Variants in GALNT13 observed in about 807,000 individuals in gnomAD.
GALNT13 encodes UDP-GalNAc:polypeptide N-acetylgalactosaminyltransferase 13.
GALNT13 carries 28 observed loss-of-function variants against 64.2 expected under a neutral mutation model. The ratio of observed to expected loss-of-function variants is 0.44; its 90% CI spans 0.32 to 0.60. The LOEUF (loss-of-function observed/expected upper bound fraction) is 0.60, where lower values mean the gene tolerates loss of function less well. Ranked by LOEUF, GALNT13 falls within the 20% of genes least tolerant of loss-of-function variation. The pLI is 0.05. For missense variants in GALNT13, 577 were observed against 669.8 expected (o/e 0.86, Z 1.53); for synonymous variants, 214 against 224.6 (o/e 0.95, Z 0.42).
intron 9 of GALNT13, among the ~76,000 whole-genome samples, chr2:154,369,579 A>T (rs1293939755): frequency 1.3e-5 from 2 of 152,016 alleles, no homozygotes; most frequent in African/African-American, 4.8e-5. Flanking sequence ...GGCCCCTCCA[A>T]AGTTAATGTT....
chr2:153,650,293 C>CT, the GALNT13 span, among the ~76,000 whole-genome samples: 1 of 151,808 alleles, frequency 6.6e-6, no homozygotes, highest in Admixed American at 6.6e-5. Flanking sequence ...CAACCCCTGC[C>CT]TTTTTTTGTT....
At chr2:153,232,938 C>G in the GALNT13 span, among the ~76,000 whole-genome samples, 1 of 152,114 alleles carries the variant, frequency 6.6e-6, no homozygotes, top group Non-Finnish European at 1.5e-5. Context: ...GAAAAAGATG[C>G]TTATAAAAGC....
At chr2:154,360,290 A>G (rs1454346054) in intron 9 of GALNT13, among the ~76,000 whole-genome samples, 1 of 152,174 alleles carries the variant, frequency 6.6e-6, no homozygotes, top group African/African-American at 2.4e-5. Context: ...GTTGCTTACA[A>G]TGTAAAGAAA....
the GALNT13 span, among the ~76,000 whole-genome samples, chr2:153,258,165 T>A: frequency 6.6e-6 from 1 of 152,190 alleles, no homozygotes; most frequent in African/African-American, 2.4e-5. Flanking sequence ...ATGTAAAAAA[T>A]AATTATTCTT....
the GALNT13 span, among the ~76,000 whole-genome samples, chr2:153,793,722 T>G: frequency 6.6e-6 from 1 of 151,662 alleles, no homozygotes; most frequent in Non-Finnish European, 1.5e-5. Flanking sequence ...AAAATTTAAA[T>G]CTTCAGATTT....
chr2:153,833,769 CCT>C, the GALNT13 span, among the ~76,000 whole-genome samples: 1 of 151,984 alleles, frequency 6.6e-6, no homozygotes, highest in Non-Finnish European at 1.5e-5. Context: ...ATTGCCAACC[CCT>C]GTTTTAGAAG....
intron 9 of GALNT13, among the ~76,000 whole-genome samples, chr2:154,391,266 AC>A (rs1301183723): frequency 1.3e-5 from 2 of 152,114 alleles, no homozygotes; most frequent in African/African-American, 4.8e-5. Context: ...TATTAGGCTG[AC>A]TGGTTTATTT....
At chr2:153,759,038 G>A in the GALNT13 span, among the ~76,000 whole-genome samples, 1 of 152,076 alleles carries the variant, frequency 6.6e-6, no homozygotes, top group Non-Finnish European at 1.5e-5. Context: ...GTATTTCTAA[G>A]CACTTTTTAT....
At chr2:154,231,972 C>T (rs937938290) in intron 4 of GALNT13, among the ~76,000 whole-genome samples, 1 of 151,748 alleles carries the variant, frequency 6.6e-6, no homozygotes, top group Non-Finnish European at 1.5e-5. Flanking sequence ...CCTCTTGTCT[C>T]ACAACTCTGT....
the GALNT13 span, among the ~76,000 whole-genome samples, chr2:153,493,640 A>G: frequency 1.3e-5 from 2 of 151,978 alleles, no homozygotes; most frequent in Non-Finnish European, 2.9e-5. Flanking sequence ...TCATTATATA[A>G]GGCCAGCATA....
At chr2:153,947,386 G>T (rs1234964909) in intron 3 of GALNT13, among the ~76,000 whole-genome samples, 3 of 151,300 alleles carry the variant, frequency 2.0e-5, no homozygotes, top group African/African-American at 2.4e-5. Context: ...CTCAACAACT[G>T]ACTGCATATA....
At chr2:153,821,563 A>G in the GALNT13 span, among the ~76,000 whole-genome samples, 1 of 152,178 alleles carries the variant, frequency 6.6e-6, no homozygotes, top group African/African-American at 2.4e-5. Flanking sequence ...ACAGCATACC[A>G]AAATCTCTGG....
intron 2 of GALNT13, among the ~76,000 whole-genome samples, chr2:153,912,398 T>C (rs1036373254): frequency 6.6e-6 from 1 of 152,224 alleles, no homozygotes; most frequent in East Asian, 1.9e-4. Flanking sequence ...CTGAATTCTA[T>C]TTCTGTCATT....
intron 9 of GALNT13, among the ~76,000 whole-genome samples, chr2:154,394,563 T>A (rs707053): frequency 0.99 from 151,257 of 152,338 alleles, 75,100 homozygotes; most frequent in Middle Eastern, 1. Context: ...AGGCACAATG[T>A]CATCTCTTTA....
chr2:154,344,401 A>G (rs78676551), intron 9 of GALNT13, among the ~76,000 whole-genome samples: 2,499 of 152,184 alleles, frequency 0.016, 66 homozygotes, highest in African/African-American at 0.057. Flanking sequence ...TGCAGAAAAC[A>G]GCCCTGAGCT....
chr2:153,741,446 A>G, the GALNT13 span, among the ~76,000 whole-genome samples: 25 of 152,084 alleles, frequency 1.6e-4, no homozygotes, highest in African/African-American at 5.1e-4. Context: ...TTTTAAATCT[A>G]TCTTTGACAC....
chr2:153,164,294 AT>A, the GALNT13 span, among the ~76,000 whole-genome samples: 9 of 152,330 alleles, frequency 5.9e-5, no homozygotes, highest in East Asian at 1.7e-3. Flanking sequence ...CTAGAAAAAA[AT>A]GTATACATAA....
the GALNT13 span, among the ~76,000 whole-genome samples, chr2:153,749,345 A>G: frequency 3.9e-5 from 6 of 151,958 alleles, no homozygotes; most frequent in African/African-American, 7.2e-5. Flanking sequence ...GTTCAAATAA[A>G]TTTTGGCATT....
chr2:153,108,967 A>G, the GALNT13 span, among the ~76,000 whole-genome samples: 1 of 152,192 alleles, frequency 6.6e-6, no homozygotes, highest in Admixed American at 6.5e-5. Flanking sequence ...TGGAAAACAT[A>G]TCTGGAGCCT....
Sources: allele counts gnomAD v4.1 joint callset (sites outside exome capture counted in the v4.1 genomes callset), GRCh38; gene constraint gnomAD v4.1.1; transcripts MANE v1.5; gene names NCBI Gene and HGNC (gene_info 2026-07-23, HGNC 2026-07-21).